The following DLGAP5 variants were observed in gnomAD, a reference collection of about 807,000 sequenced individuals.
DLGAP5 encodes the protein disks large-associated protein 5.
In DLGAP5, 90 loss-of-function variants were observed where a neutral mutation model predicts 99.6. The observed-to-expected ratio is 0.90, with a 90% confidence interval of 0.76 to 1.08. The LOEUF (loss-of-function observed/expected upper bound fraction) is 1.08, where lower values mean the gene tolerates loss of function less well. Among genes scored for constraint, DLGAP5 ranks in the 50% least tolerant of loss-of-function variants. The pLI is 0.00. For missense variants in DLGAP5, 1,036 were observed against 983.5 expected, an observed-to-expected ratio of 1.05 and a Z score of -0.71; for synonymous variants, 311 against 321.3, an observed-to-expected ratio of 0.97 and a Z score of 0.34.
intron 2 of DLGAP5, among the ~76,000 whole-genome samples, chr14:55,187,260 C>T (rs1883462949): frequency 6.6e-6 from 1 of 151,852 alleles, no homozygotes; most frequent in African/African-American, 2.4e-5. Flanking sequence ...TTACTGCTCT[C>T]CCTGATGTCA....
chr14:55,158,194 A>AT, intron 14 of DLGAP5, among the ~76,000 whole-genome samples: 1 of 152,198 alleles, frequency 6.6e-6, no homozygotes, highest in Non-Finnish European at 1.5e-5. Context: ...TGCTTCCGTC[A>AT]TTTCTCTTAC....
rs189569666 is a variant in DLGAP5 at position 55,178,360 on chromosome 14, A to G, written c.775-1024T>C. ...CTTAAGTTAAATAACCTTAGATTAT[A>G]AATAACCTTAACACAAGAGCAATAC... On this transcript the variant is annotated intron_variant, in intron 7 of 18. Coordinates refer to ENST00000247191, the MANE Select transcript of DLGAP5 (RefSeq NM_014750.5). 3.3e-4 allele frequency among the ~76,000 whole-genome samples: 50 copies of G among 152,362 alleles called. 1 individual carries two copies. Among genetic ancestry groups the G allele is most frequent in the Non-Finnish European group, 6.6e-4 (45 of 68,034 alleles).
At chr14:55,150,767 T>C (rs1432161928) in intron 18 of DLGAP5, 32 bp downstream of exon 18, 3 of 1,502,450 alleles carry the variant, frequency 2.0e-6, no homozygotes, top group Non-Finnish European at 2.7e-6. Context: ...AAATCTAGAA[T>C]ATAAAGGGAC....
chr14:55,163,802 C>T (rs188077179), intron 12 of DLGAP5, among the ~76,000 whole-genome samples: 37 of 152,282 alleles, frequency 2.4e-4, no homozygotes, highest in East Asian at 7.7e-4. Flanking sequence ...TTTTCATATG[C>T]GTATTTGCCA....
Position 55,176,396 on chromosome 14 carries a change from C to T in DLGAP5, c.1050-378G>A, listed in dbSNP as rs1449708046. ...AAATTAATCATTTTTGTCTTCAGGG[C>T]CAGTTTTTCTAAATACTAAGCCAGA... On this transcript the variant is annotated intron_variant, in intron 8 of 18. Coordinates refer to ENST00000247191, the MANE Select transcript of DLGAP5 (RefSeq NM_014750.5). 3.3e-5 allele frequency among the ~76,000 whole-genome samples: 5 copies of T among 152,070 alleles called. No homozygotes were observed. The East Asian group carries it at 7.7e-4, about 23-fold the overall frequency.
intron 7 of DLGAP5, among the ~76,000 whole-genome samples, 188 bp from the exon 8 acceptor site, chr14:55,177,524 T>C (rs1042813879): frequency 6.6e-6 from 1 of 151,466 alleles, no homozygotes; most frequent in African/African-American, 2.4e-5. Flanking sequence ...TCCATTGCTA[T>C]TACCCGGGAA....
chr14:55,158,783 C>A, intron 13 of DLGAP5, 42 bp from the exon 14 acceptor site: 1 of 1,441,758 alleles, frequency 6.9e-7, no homozygotes, highest in East Asian at 2.3e-5. Flanking sequence ...CCATTACCAT[C>A]TTACAAGAAA....
intron 13 of DLGAP5, among the ~76,000 whole-genome samples, chr14:55,162,223 T>C (rs1349493676): frequency 6.6e-6 from 1 of 152,208 alleles, no homozygotes; most frequent in East Asian, 1.9e-4. Context: ...TAAGGATTAA[T>C]ATATATAAAG....
At chr14:55,176,152 G>A in intron 8 of DLGAP5, 134 bp from the exon 9 acceptor site, 1 of 709,752 alleles carries the variant, frequency 1.4e-6, no homozygotes, top group Admixed American at 3.2e-5. Context: ...TGTGTATTCT[G>A]GAGGGGAGAA....
chr14:55,153,839 T>C (rs1882107996), intron 15 of DLGAP5, among the ~76,000 whole-genome samples: 1 of 152,014 alleles, frequency 6.6e-6, no homozygotes, highest in South Asian at 2.1e-4. Context: ...TGGCAGATCA[T>C]GAGGTCAAGA....
intron 12 of DLGAP5, among the ~76,000 whole-genome samples, chr14:55,167,615 T>A (rs1168748871): frequency 6.6e-6 from 1 of 152,178 alleles, no homozygotes; most frequent in Non-Finnish European, 1.5e-5. Context: ...TGGGTAACTC[T>A]CTCATCTTTG....
Position 55,148,198 on chromosome 14 carries a change from G to A in DLGAP5, c.*153C>T. On this transcript the variant is annotated 3_prime_UTR_variant, in exon 19 of 19. Coordinates refer to ENST00000247191, the MANE Select transcript of DLGAP5 (RefSeq NM_014750.5). ...ATATCCCCACTTCCCTTGAGAAAGA[G>A]TATATCTAAAATACACTTTGATGAA... The A allele has an allele frequency of 1.3e-6, 1 of 749,186 alleles. No individual in the cohort carries two copies. The highest frequency in any genetic ancestry group is 2.1e-6 in the Non-Finnish European group (1 of 483,284). The allele number at this position is 749,186 out of a possible 1,614,324, so 46.4% of individuals were successfully genotyped here.
intron 7 of DLGAP5, among the ~76,000 whole-genome samples, chr14:55,178,868 G>A (rs897736571): frequency 2.6e-5 from 4 of 152,110 alleles, no homozygotes; most frequent in Non-Finnish European, 4.4e-5. Flanking sequence ...CCAACATGGT[G>A]AAACCTCGTC....
intron 15 of DLGAP5, 140 bp from the exon 16 acceptor site, chr14:55,152,787 C>G (rs1379215979): frequency 8.0e-6 from 5 of 628,554 alleles, no homozygotes; most frequent in Middle Eastern, 3.0e-4. Flanking sequence ...CAGGCGTGAT[C>G]CAGATAGATT....
chr14:55,186,389 G>A (rs531275537), intron 2 of DLGAP5, among the ~76,000 whole-genome samples: 16 of 152,284 alleles, frequency 1.1e-4, no homozygotes, highest in African/African-American at 3.6e-4. Context: ...AGATTTAAAC[G>A]TCTCTATTTG....
At chr14:55,179,772 GA>G (rs1883216330) in intron 6 of DLGAP5, 73 bp from the exon 7 acceptor site, 1 of 1,236,864 alleles carries the variant, frequency 8.1e-7, no homozygotes, top group Non-Finnish European at 1.1e-6. Context: ...CTTGGGAAAG[GA>G]AAAGAAGCAA....
intron 12 of DLGAP5, among the ~76,000 whole-genome samples, chr14:55,169,175 CAAAAAA>C (rs34906311): frequency 1.6e-5 from 1 of 63,900 alleles, no homozygotes; most frequent in Non-Finnish European, 3.4e-5. Context: ...GACTCCGTCT[CAAAAAA>C]AAAAAAAAAA....
In DLGAP5 at chr14:55,164,722, G is replaced by A. The variant is rs190936384; in HGVS notation, c.1549-1647C>T. Reference sequence around the variant, plus strand: ...GGATCACTTGAGGTCAGGAGTTCAAGACCAGCCCGGCCAACGTAGTGAAAC... The same window carrying A: ...GGATCACTTGAGGTCAGGAGTTCAAAACCAGCCCGGCCAACGTAGTGAAAC... On this transcript the variant is annotated intron_variant, in intron 12 of 18. Coordinates refer to ENST00000247191, the MANE Select transcript of DLGAP5 (RefSeq NM_014750.5). Among the ~76,000 whole-genome samples the A allele has an allele frequency of 2.2e-3, 340 of 152,150 alleles. 1 individual carries two copies. Among genetic ancestry groups the A allele is most frequent in the African/African-American group, 8.0e-3 (332 of 41,502 alleles).
chr14:55,183,635 T>C lies in DLGAP5; in HGVS notation c.357A>G (p.Lys119=), dbSNP rs191726968. The change falls in exon 3 of 19, where the codon AAA becomes AAG. Residue 119 remains lysine, a synonymous_variant. Coordinates refer to ENST00000247191, the MANE Select transcript of DLGAP5 (RefSeq NM_014750.5). ...GCATATCAGGTCTATAACGACCCAC[T>C]TTAAATATTCCTCGTTTAGCTTTCT... The part of the protein sequence containing the change: ...QREKAKRGIF[K]VGRYRPDMPC... 6.2e-7 allele frequency: 1 copy of C among 1,611,998 alleles called. No homozygotes were observed. Among genetic ancestry groups the C allele is most frequent in the African/African-American group, 1.3e-5 (1 of 74,882 alleles).
Sources: allele counts gnomAD v4.1 joint callset (sites outside exome capture counted in the v4.1 genomes callset), GRCh38; gene constraint gnomAD v4.1.1; transcripts MANE v1.5; gene names NCBI Gene and HGNC (gene_info 2026-07-23, HGNC 2026-07-21).